FAM200B: variants seen among roughly 807,000 people sequenced by gnomAD.
FAM200B encodes the protein protein FAM200B.
A neutral mutation model predicts 33.1 loss-of-function variants in FAM200B; 32 were observed. The observed-to-expected ratio is 0.97, with a 90% CI of 0.73 to 1.30. The LOEUF (loss-of-function observed/expected upper bound fraction) is 1.30, where lower values mean the gene tolerates loss of function less well. FAM200B is among the 50% of genes most tolerant of loss of function. The pLI is 0.00. For synonymous variants in FAM200B, 240 were observed against 264.8 expected (o/e 0.91, Z 0.91); for missense variants, 741 against 754.0 (o/e 0.98, Z 0.20).
At chr4:15,650,723 A>G in the FAM200B span, among the ~76,000 whole-genome samples, 1 of 140,146 alleles carries the variant, frequency 7.1e-6, no homozygotes, top group Non-Finnish European at 1.5e-5. Context: ...GCTGGAGTGC[A>G]ATCGCCAATT....
Position 15,688,145 on chromosome 4 carries a change from T to C in FAM200B, c.1168T>C (p.Ser390Pro), listed in dbSNP as rs1307755875. ...LLYHTKIRWL[S>P]QGKILSRVYE... ...ATATCATACCAAAATTCGTTGGTTG[T>C]CTCAAGGGAAAATACTAAGCAGGGT... The change falls in exon 2 of 2, where the codon TCT becomes CCT. Residue 390 changes from serine (S) to proline (P), a missense_variant. Ser to Pro is a moderately conservative substitution (Grantham distance 74, BLOSUM62 -1). Transcript: ENST00000422728. 3 of 1,551,224 alleles carry C rather than the reference T, an allele frequency of 1.9e-6. No individual in the cohort carries two copies. The Admixed American group carries it at 5.9e-5, about 30-fold the overall frequency.
In FAM200B at chr4:15,686,751, C is replaced by A; in HGVS notation, c.-227C>A. The stretch of plus-strand genomic sequence containing the variant: ...AAGAAATGGTTTTCAGTCATTGATT[C>A]CTGGGTGTCTTGCTTGATTTTCATA... On this transcript the variant is annotated 5_prime_UTR_variant, in exon 2 of 2. Coordinates refer to ENST00000422728, the MANE Select transcript of FAM200B (RefSeq NM_001145191.2). 1 of 300,296 alleles carries A rather than the reference C, an allele frequency of 3.3e-6. No homozygotes were observed. The highest frequency in any genetic ancestry group is 6.1e-6 in the Non-Finnish European group (1 of 162,734). 18.6% of individuals were successfully genotyped at this position (300,296 alleles called of 1,614,324 possible).
At chr4:15,654,820 T>TG in the FAM200B span, among the ~76,000 whole-genome samples, 1 of 151,382 alleles carries the variant, frequency 6.6e-6, no homozygotes, top group East Asian at 2.0e-4. Context: ...CCACCGCAGG[T>TG]GGCCGGCCGG....
the FAM200B span, among the ~76,000 whole-genome samples, chr4:15,669,127 A>G: frequency 1.3e-5 from 2 of 152,220 alleles, no homozygotes; most frequent in African/African-American, 4.8e-5. Flanking sequence ...TTACTTGACA[A>G]CAGGGATACA....
chr4:15,644,704 G>T, the FAM200B span: 1 of 1,604,272 alleles, frequency 6.2e-7, no homozygotes, highest in Non-Finnish European at 8.5e-7. Flanking sequence ...ATTGGTTTTA[G>T]AAAGCTGAAT....
At chr4:15,657,656 C>T in the FAM200B span, among the ~76,000 whole-genome samples, 1 of 152,182 alleles carries the variant, frequency 6.6e-6, no homozygotes, top group African/African-American at 2.4e-5. Flanking sequence ...TAAAAATAAT[C>T]CCTGTGAGTA....
chr4:15,678,961 A>C (rs1718095174), upstream of FAM200B, among the ~76,000 whole-genome samples: 1 of 152,032 alleles, frequency 6.6e-6, no homozygotes, highest in Non-Finnish European at 1.5e-5. Flanking sequence ...CAGCAGAAAT[A>C]AAAAACAAAC....
chr4:15,637,895 GTT>G, the FAM200B span, among the ~76,000 whole-genome samples: 30 of 123,892 alleles, frequency 2.4e-4, no homozygotes, highest in African/African-American at 8.2e-4. Flanking sequence ...TGAGGAACTA[GTT>G]TTTTTAAAAA....
At chr4:15,646,170 T>A in the FAM200B span, among the ~76,000 whole-genome samples, 1 of 152,232 alleles carries the variant, frequency 6.6e-6, no homozygotes, top group Admixed American at 6.5e-5. Flanking sequence ...AGACAACATG[T>A]AAATGAATGA....
intron 1 of FAM200B, among the ~76,000 whole-genome samples, chr4:15,684,291 A>G (rs1282421615): frequency 6.6e-6 from 1 of 152,188 alleles, no homozygotes. Context: ...TGTCTATTTA[A>G]ATTAAAGTTC....
the FAM200B span, among the ~76,000 whole-genome samples, chr4:15,643,400 A>G: frequency 6.6e-6 from 1 of 152,268 alleles, no homozygotes; most frequent in Non-Finnish European, 1.5e-5. Flanking sequence ...AACTAAGATC[A>G]AATTTCAAAA....
the FAM200B span, among the ~76,000 whole-genome samples, chr4:15,660,888 G>T: frequency 6.6e-6 from 1 of 151,958 alleles, no homozygotes; most frequent in East Asian, 1.9e-4. Flanking sequence ...ACCAACCTGG[G>T]CAACATGGCG....
At chr4:15,651,992 A>T in the FAM200B span, among the ~76,000 whole-genome samples, 2 of 152,178 alleles carry the variant, frequency 1.3e-5, no homozygotes, top group African/African-American at 4.8e-5. Flanking sequence ...CCTAGCATAG[A>T]TGTTATTACA....
chr4:15,674,235 A>G, the FAM200B span, among the ~76,000 whole-genome samples: 3 of 148,522 alleles, frequency 2.0e-5, no homozygotes, highest in East Asian at 1.9e-4. Flanking sequence ...CTCTAGCCCT[A>G]TGTCATAATG....
chr4:15,662,943 C>T, the FAM200B span, among the ~76,000 whole-genome samples: 6 of 152,096 alleles, frequency 3.9e-5, no homozygotes, highest in East Asian at 3.8e-4. Flanking sequence ...ATAACTGACC[C>T]ATAAAACAAT....
the FAM200B span, among the ~76,000 whole-genome samples, chr4:15,655,627 G>C: frequency 6.6e-6 from 1 of 152,216 alleles, no homozygotes; most frequent in Non-Finnish European, 1.5e-5. Flanking sequence ...GGGGAAAGTC[G>C]TTGCAGTGGC....
Position 15,687,014 on chromosome 4 carries a change from G to A in FAM200B, c.37G>A (p.Glu13Lys). 1.4e-6 allele frequency: 2 copies of A among 1,455,270 alleles called. No individual in the cohort carries two copies. The highest frequency in any genetic ancestry group is 9.2e-7 in the Non-Finnish European group (1 of 1,089,520). The allele number at this position is 1,455,270 out of a possible 1,614,324, so 90.1% of individuals were successfully genotyped here. ...CTTTATTAAAAGAAAGAGGAATAGT[G>A]AAGTGAAATATACAGAAGCATGTTC... is the stretch of plus-strand genomic sequence containing the variant. ...HFFIKRKRNSEVKYTEACSSS... is the reference protein window; with the variant it reads ...HFFIKRKRNSKVKYTEACSSS... Residue 13 changes from glutamate to lysine, a missense_variant, in exon 2 of 2, where the codon GAA becomes AAA. By Grantham distance (56) the Glu-to-Lys change is moderately conservative. Coordinates refer to ENST00000422728, the MANE Select transcript of FAM200B (RefSeq NM_001145191.2).
chr4:15,662,435 G>A, the FAM200B span, among the ~76,000 whole-genome samples: 6 of 152,118 alleles, frequency 3.9e-5, no homozygotes, highest in East Asian at 5.8e-4. Context: ...AAAGATTAAC[G>A]GAATAAGTGT....
At chr4:15,677,242 G>A (rs756720101), upstream of FAM200B, among the ~76,000 whole-genome samples, 1 of 152,090 alleles carries the variant, frequency 6.6e-6, no homozygotes, top group Non-Finnish European at 1.5e-5. Context: ...ATATATGTTC[G>A]TCTTATTACT....
Sources: gnomAD v4.1 joint callset for allele counts (sites outside exome capture counted in the v4.1 genomes callset) on GRCh38, gnomAD v4.1.1 for gene constraint, MANE v1.5 for transcripts, NCBI Gene and HGNC (gene_info 2026-07-23, HGNC 2026-07-21) for gene names.